The following CAB39L variants were observed in gnomAD, a reference collection of about 807,000 sequenced individuals.
The protein encoded by CAB39L is calcium-binding protein 39-like.
CAB39L carries 23 observed loss-of-function variants against 39.1 expected under a neutral mutation model. That is an observed-to-expected ratio of 0.59 (90% confidence interval 0.42 to 0.83). The LOEUF (loss-of-function observed/expected upper bound fraction) is 0.83. Ranked by LOEUF, CAB39L falls within the 40% of genes least tolerant of loss-of-function variation. The pLI, the probability that CAB39L is intolerant of heterozygous loss-of-function variation, is 0.00. For missense variants in CAB39L, 366 were observed against 391.9 expected (o/e 0.93, Z 0.56); for synonymous variants, 126 against 137.2 (o/e 0.92, Z 0.57).
At chr13:49,429,980 C>A (rs906686928) in intron 3 of CAB39L, among the ~76,000 whole-genome samples, 1 of 151,802 alleles carries the variant, frequency 6.6e-6, no homozygotes, top group Non-Finnish European at 1.5e-5. Flanking sequence ...TTGGTTTAAC[C>A]AACATTCATT....
intron 3 of CAB39L, among the ~76,000 whole-genome samples, chr13:49,415,534 AT>A (rs1470916025): frequency 1.4e-5 from 2 of 141,302 alleles, no homozygotes; most frequent in Non-Finnish European, 3.1e-5. Context: ...AAAAAAAAAA[AT>A]TAAATTAAAA....
chr13:49,372,823 C>T (rs1013527791), intron 5 of CAB39L, among the ~76,000 whole-genome samples: 6 of 152,012 alleles, frequency 3.9e-5, no homozygotes, highest in South Asian at 2.1e-4. Context: ...TACAGGCGCC[C>T]GCCACCACGC....
intron 10 of CAB39L, among the ~76,000 whole-genome samples, chr13:49,314,854 A>G (rs74074543): frequency 0.014 from 2,103 of 152,308 alleles, 49 homozygotes; most frequent in African/African-American, 0.046. Context: ...AGAACAGTAT[A>G]TGTATTCTAC....
chr13:49,315,209 C>T lies in CAB39L; in HGVS notation c.835-4216G>A, dbSNP rs575699536. Among the ~76,000 whole-genome samples, 3 of 152,306 alleles carry T rather than the reference C, an allele frequency of 2.0e-5. No individual in the cohort carries two copies. The South Asian group carries it at 6.2e-4, about 32-fold the overall frequency. On this transcript the variant is annotated intron_variant, in intron 10 of 10. Coordinates refer to ENST00000409308, the MANE Select transcript of CAB39L (RefSeq NM_001079670.3). ...ACAGCAAGTGCTAAGGAATACAGAA[C>T]CCTCTCTGGGAACACTGCACGTCCC...
intron 5 of CAB39L, among the ~76,000 whole-genome samples, chr13:49,361,561 AAAAGAAAG>A (rs60755841): frequency 0.018 from 2,189 of 122,096 alleles, 51 homozygotes; most frequent in African/African-American, 0.057. Context: ...AAAGAGAAAG[AAAAGAAAG>A]AAAGAAAGAA....
intron 9 of CAB39L, among the ~76,000 whole-genome samples, chr13:49,333,428 G>C (rs1383710384): frequency 6.6e-6 from 1 of 151,982 alleles, no homozygotes; most frequent in East Asian, 1.9e-4. Context: ...TGTATACTTG[G>C]ATCTGCTATC....
intron 3 of CAB39L, among the ~76,000 whole-genome samples, chr13:49,391,848 C>T (rs182097189): frequency 1.4e-3 from 213 of 151,654 alleles, no homozygotes; most frequent in Non-Finnish European, 2.1e-3. Context: ...GAATATAAAA[C>T]AATATAGAAG....
chr13:49,349,025 A>G (rs1396307271), intron 7 of CAB39L, among the ~76,000 whole-genome samples: 1 of 152,148 alleles, frequency 6.6e-6, no homozygotes, highest in Non-Finnish European at 1.5e-5. Flanking sequence ...ACTTTGTGTC[A>G]CCATGTGACC....
chr13:49,432,476 C>T lies in CAB39L; in HGVS notation c.-32+842G>A, dbSNP rs574324025. Among the ~76,000 whole-genome samples, 7 of 152,244 alleles carry T rather than the reference C, an allele frequency of 4.6e-5. No homozygotes were observed. The East Asian group carries it at 1.4e-3, about 29-fold the overall frequency. Reference sequence around the variant, plus strand: ...TCATGTAATGTATATTTCTAATAATCGAAATCTCTATAGATCTCTTTCAGT... The same window carrying T: ...TCATGTAATGTATATTTCTAATAATTGAAATCTCTATAGATCTCTTTCAGT... On this transcript the variant is annotated intron_variant, in intron 3 of 10. Coordinates refer to ENST00000409308, the MANE Select transcript of CAB39L (RefSeq NM_001079670.3).
At chr13:49,339,806 C>T in intron 8 of CAB39L, 64 bp from the exon 9 acceptor site, 1 of 1,378,050 alleles carries the variant, frequency 7.3e-7, no homozygotes, top group South Asian at 1.9e-5. Context: ...ATTAGGCTGG[C>T]TTGCTTTCTT....
intron 3 of CAB39L, among the ~76,000 whole-genome samples, chr13:49,405,667 C>T (rs967909674): frequency 1.4e-5 from 2 of 141,752 alleles, no homozygotes; most frequent in Non-Finnish European, 3.1e-5. Context: ...TGCACTCCAG[C>T]CTGGGTGACA....
At chr13:49,430,508 A>T (rs1957305304) in intron 3 of CAB39L, among the ~76,000 whole-genome samples, 1 of 152,188 alleles carries the variant, frequency 6.6e-6, no homozygotes, top group African/African-American at 2.4e-5. Context: ...CAGGGAAAAA[A>T]GTTACTGGGT....
At chr13:49,338,499 T>C (rs936778327) in intron 9 of CAB39L, among the ~76,000 whole-genome samples, 4 of 87,314 alleles carry the variant, frequency 4.6e-5, no homozygotes, top group African/African-American at 1.8e-4. Context: ...TGGGGACTGT[T>C]GTGGGGTGGG....
rs547828206 is a variant in CAB39L, at chr13:49,347,435, A to T, written c.565-3197T>A. The stretch of plus-strand genomic sequence containing the variant: ...TATTAAGTATTTGCTTTCCTCCTCT[A>T]TTGGCGTTTGTTCTATGTTTGTAAT... On this transcript the variant is annotated intron_variant, in intron 7 of 10. Transcript: ENST00000409308. 5.3e-5 allele frequency among the ~76,000 whole-genome samples: 8 copies of T among 152,146 alleles called. 1 individual carries two copies. Among genetic ancestry groups the T allele is most frequent in the Middle Eastern group, 3.4e-3 (1 of 294 alleles).
At chr13:49,441,228 T>TATATATATATATATATATATATATATA (rs1361567225) in intron 1 of CAB39L, among the ~76,000 whole-genome samples, 7 of 124,206 alleles carry the variant, frequency 5.6e-5, no homozygotes, top group African/African-American at 2.4e-4. Context: ...AGTGTATATA[T>TATATATATATATATATATATATATATA]ATATATATAT....
chr13:49,315,031 A>G (rs886831334), intron 10 of CAB39L, among the ~76,000 whole-genome samples: 1 of 152,230 alleles, frequency 6.6e-6, no homozygotes, highest in Non-Finnish European at 1.5e-5. Context: ...GAGATGTGAC[A>G]TTTTACCAGG....
intron 3 of CAB39L, among the ~76,000 whole-genome samples, chr13:49,404,481 G>A (rs541331826): frequency 6.6e-6 from 1 of 150,438 alleles, no homozygotes; most frequent in African/African-American, 2.4e-5. Context: ...TAAGCTCGGA[G>A]TGTGAAGATT....
At chr13:49,424,234 GGT>G (rs751333576) in intron 3 of CAB39L, among the ~76,000 whole-genome samples, 5 of 152,300 alleles carry the variant, frequency 3.3e-5, no homozygotes, top group Non-Finnish European at 7.3e-5. Context: ...TAGTGATCAA[GGT>G]CAACATCAAC....
intron 3 of CAB39L, among the ~76,000 whole-genome samples, chr13:49,428,254 A>G (rs1266452948): frequency 6.6e-6 from 1 of 152,246 alleles, no homozygotes; most frequent in Non-Finnish European, 1.5e-5. Context: ...GAATGCAATC[A>G]TCATGAAGTT....
Sources: gnomAD v4.1 joint callset for allele counts (sites outside exome capture counted in the v4.1 genomes callset) on GRCh38, gnomAD v4.1.1 for gene constraint, MANE v1.5 for transcripts, NCBI Gene and HGNC (gene_info 2026-07-23, HGNC 2026-07-21) for gene names.